Variants in CCNB3 observed in about 807,000 individuals in gnomAD.
CCNB3 encodes the protein cyclin B3, also known as G2/mitotic-specific cyclin-B3.
In CCNB3, 12 loss-of-function variants were observed where a neutral mutation model predicts 68.0. The ratio of observed to expected loss-of-function variants is 0.18; its 90% confidence interval spans 0.11 to 0.29. CCNB3 has a LOEUF of 0.29. Ranked by LOEUF, CCNB3 falls within the 10% of genes least tolerant of loss-of-function variation. CCNB3 has a pLI of 1.00. For synonymous variants in CCNB3, 354 were observed against 388.9 expected (o/e 0.91, Z 1.06); for missense variants, 904 against 993.1 (o/e 0.91, Z 1.21).
intron 1 of CCNB3, among the ~76,000 whole-genome samples, chrX:50,228,839 A>T (rs1935995964): frequency 1.3e-5 from 1 of 74,341 alleles, no homozygotes; most frequent in East Asian, 3.9e-4. Flanking sequence ...TATAGAATAC[A>T]TATATAGAAT....
At chrX:50,303,210 A>G (rs1459318105) in intron 5 of CCNB3, among the ~76,000 whole-genome samples, 1 of 111,299 alleles carries the variant, frequency 9.0e-6, no homozygotes, top group East Asian at 2.8e-4. Flanking sequence ...AAATGGTGCA[A>G]TCTTGGCTCA....
chrX:50,222,210 T>A, intron 1 of CCNB3, among the ~76,000 whole-genome samples: 1 of 111,615 alleles, frequency 9.0e-6, no homozygotes, highest in Middle Eastern at 4.6e-3. Flanking sequence ...GGGTCTTGAC[T>A]CTTTATCCAC....
At position 50,317,567 on chromosome X, in the gene CCNB3, G is replaced by GTATGTATGTATT. The variant is rs1409621892; in HGVS notation, c.3516+3622_3516+3623insGTATGTATTTAT. Among the ~76,000 whole-genome samples the GTATGTATGTATT allele has an allele frequency of 5.8e-3, 631 of 108,342 alleles. 3 individuals carry two copies. The highest frequency in any genetic ancestry group is 7.2e-3 in the Non-Finnish European group (377 of 52,618). The allele number at this position is 108,342 out of a possible 115,157, so 94.1% of individuals were successfully genotyped here. A position where few individuals can be genotyped will look rare whatever the true frequency, so the allele number is the denominator to read the frequency against. On this transcript the variant is annotated intron_variant, in intron 8 of 12. Transcript: ENST00000376042. ...TTTATGTATGTATGTATGTATGTAT[G>GTATGTATGTATT]TATTTATTTATTTATTTATGAGATG... is the stretch of plus-strand genomic sequence containing the variant.
At position 50,279,319 on chromosome X, in the gene CCNB3, A is replaced by G. The variant is rs1481138583; in HGVS notation, c.-112-5223A>G. On this transcript the variant is annotated intron_variant, in intron 1 of 12. Transcript: ENST00000376042. ...ATATATGAATATTTATATTTAATATATATTTAAATATATATGAATATATAT... is the reference window on the plus strand; with the variant it reads ...ATATATGAATATTTATATTTAATATGTATTTAAATATATATGAATATATAT... Among the ~76,000 whole-genome samples, 33 of 70,779 alleles carry G rather than the reference A, an allele frequency of 4.7e-4. No homozygotes were observed. The East Asian group carries it at 0.012, about 27-fold the overall frequency. 61.5% of individuals were successfully genotyped at this position (70,779 alleles called of 115,157 possible).
chrX:50,310,487 A>G lies in CCNB3; in HGVS notation c.2318A>G (p.Asn773Ser). The G allele has an allele frequency of 8.3e-7, 1 of 1,210,019 alleles. No homozygotes were observed. Among genetic ancestry groups the G allele is most frequent in the South Asian group, 1.8e-5 (1 of 56,490 alleles). Residue 773 changes from asparagine to serine, a missense_variant, in exon 6 of 13, where the codon AAT (asparagine) becomes AGT (serine). By Grantham distance (46) the Asn-to-Ser change is conservative. Around this residue, in one of 2 missense-constraint regions of CCNB3, gnomAD observed 619 missense variants for 609.8 expected, o/e 1.02. Transcript: ENST00000376042. ...CAGTTGGCTTTGAATGAGACCATCA[A>G]TGAAGAGGAGTTCCTTAATAAGCAG... ...KKQLALNETI[N>S]EEEFLNKQPL...
intron 4 of CCNB3, among the ~76,000 whole-genome samples, chrX:50,290,163 T>C (rs1299103464): frequency 8.9e-6 from 1 of 111,928 alleles, no homozygotes; most frequent in African/African-American, 3.2e-5. Flanking sequence ...AAGTCCCTGA[T>C]GGGAGTACAG....
At position 50,309,872 on chromosome X, in the gene CCNB3, T is replaced by C. The variant is rs1376329267; in HGVS notation, c.1703T>C (p.Met568Thr). 3 of 1,209,346 alleles carry C rather than the reference T, an allele frequency of 2.5e-6. No individual in the cohort carries two copies. Among genetic ancestry groups the C allele is most frequent in the Non-Finnish European group, 3.4e-6 (3 of 894,888 alleles). Residue 568 changes from methionine to threonine, a missense_variant, in exon 6 of 13, where the codon ATG (methionine) becomes ACG (threonine). Met to Thr is a moderately conservative substitution (Grantham distance 81). Coordinates refer to ENST00000376042, the MANE Select transcript of CCNB3 (RefSeq NM_033031.3). ...AAGAATTCTTTCTTTATGGAGCCAA[T>C]GTCATTTAGGAAGAACCCTACAACT... ...EDKNSFFMEP[M>T]SFRKNPTTEE...
Position 50,346,778 on chromosome X carries a change from G to A in CCNB3, c.3781G>A (p.Ala1261Thr), listed in dbSNP as rs1340349955. 14 of 1,209,477 alleles carry A rather than the reference G, an allele frequency of 1.2e-5. No homozygotes were observed. The highest frequency in any genetic ancestry group is 5.9e-5 in the East Asian group (2 of 33,763). Residue 1261 changes from alanine (A) to threonine (T), a missense_variant, in exon 10 of 13, where the codon GCC becomes ACC. Coordinates refer to ENST00000376042, the MANE Select transcript of CCNB3 (RefSeq NM_033031.3). ...CAAATGTGACATTAACATTCCCATC[G>A]CCTACCATTTTCTGCGCAGATATGC... is the stretch of plus-strand genomic sequence containing the variant. ...VLKCDINIPI[A>T]YHFLRRYARC... is the part of the protein sequence containing the mutation.
chrX:50,319,090 T>C (rs1358166112), intron 8 of CCNB3, among the ~76,000 whole-genome samples: 2 of 111,332 alleles, frequency 1.8e-5, no homozygotes, highest in African/African-American at 6.5e-5. Context: ...TCTTATCCCT[T>C]TGCTGATTTT....
chrX:50,291,397 G>A (rs1471472469), intron 4 of CCNB3, among the ~76,000 whole-genome samples: 1 of 111,545 alleles, frequency 9.0e-6, no homozygotes, highest in Admixed American at 9.6e-5. Flanking sequence ...GAATAGCTGG[G>A]ACTACAGGTG....
intron 8 of CCNB3, among the ~76,000 whole-genome samples, chrX:50,318,414 G>A (rs1921847669): frequency 9.0e-6 from 1 of 110,760 alleles, no homozygotes; most frequent in South Asian, 3.9e-4. Flanking sequence ...TCAGGAGGCT[G>A]AGGCAGGAGA....
chrX:50,283,978 A>G (rs1936190402), intron 1 of CCNB3, among the ~76,000 whole-genome samples: 1 of 110,330 alleles, frequency 9.1e-6, no homozygotes, highest in South Asian at 3.9e-4. Flanking sequence ...AGTCTATAAA[A>G]GAATTTTAGT....
In CCNB3 at chrX:50,226,968, A is replaced by T. The variant is rs1312487947; in HGVS notation, c.-113+22018A>T. On this transcript the variant is annotated intron_variant, in intron 1 of 12. Transcript: ENST00000376042. ...TAGAATATATATAGTATATATATAGAATATATATAGTATATATATAGAATA... is the reference window on the plus strand; with the variant it reads ...TAGAATATATATAGTATATATATAGTATATATATAGTATATATATAGAATA... 9.3e-3 allele frequency among the ~76,000 whole-genome samples: 701 copies of T among 75,539 alleles called. 28 individuals carry two copies. The highest frequency in any genetic ancestry group is 0.04 in the African/African-American group (688 of 17,007). 65.6% of individuals were successfully genotyped at this position (75,539 alleles called of 115,157 possible). A position where few individuals can be genotyped will look rare whatever the true frequency, so the allele number is the denominator to read the frequency against.
intron 4 of CCNB3, among the ~76,000 whole-genome samples, chrX:50,292,094 T>C (rs1394955672): frequency 9.0e-6 from 1 of 111,559 alleles, no homozygotes; most frequent in Non-Finnish European, 1.9e-5. Context: ...ACAGTGTGTA[T>C]TTCCTAAGAA....
At chrX:50,203,189 A>G (rs1464945235), upstream of CCNB3, among the ~76,000 whole-genome samples, 1 of 112,111 alleles carries the variant, frequency 8.9e-6, no homozygotes, top group African/African-American at 3.2e-5. Flanking sequence ...AAACTTGTGA[A>G]TAAGAGTGCA....
At chrX:50,297,890 G>A (rs1463520355) in intron 5 of CCNB3, among the ~76,000 whole-genome samples, 1 of 111,426 alleles carries the variant, frequency 9.0e-6, no homozygotes, top group Non-Finnish European at 1.9e-5. Flanking sequence ...TCTCTTTGAA[G>A]CAATTGTGAA....
At chrX:50,209,350 TTTTG>T (rs782210162) in intron 1 of CCNB3, among the ~76,000 whole-genome samples, 12 of 110,606 alleles carry the variant, frequency 1.1e-4, no homozygotes, top group African/African-American at 2.3e-4. Flanking sequence ...CTGGATTGTT[TTTTG>T]TTTGTTTGTT....
At chrX:50,315,475 G>A (rs1921674467) in intron 8 of CCNB3, among the ~76,000 whole-genome samples, 1 of 110,909 alleles carries the variant, frequency 9.0e-6, no homozygotes, top group African/African-American at 3.3e-5. Context: ...GACAAAGAGA[G>A]CCTGTATACC....
intron 7 of CCNB3, 112 bp downstream of exon 7, chrX:50,312,744 T>C: frequency 4.1e-6 from 2 of 488,038 alleles, no homozygotes; most frequent in South Asian, 3.4e-5. Flanking sequence ...AAAATAATAA[T>C]AGCAACAACT....
Sources: gnomAD v4.1 joint callset for allele counts (sites outside exome capture counted in the v4.1 genomes callset) on GRCh38, gnomAD v4.1.1 for gene constraint, gnomAD v4.1.1 regional missense constraint, MANE v1.5 for transcripts, NCBI Gene and HGNC (gene_info 2026-07-23, HGNC 2026-07-21) for gene names.